Variants in NR2C1 observed in about 807,000 individuals in gnomAD.
The protein encoded by NR2C1 is TR2 nuclear hormone receptor.
NR2C1 carries 33 observed loss-of-function variants against 74.8 expected under a neutral mutation model. The ratio of observed to expected loss-of-function variants is 0.44; its 90% CI spans 0.33 to 0.59. The LOEUF is 0.59. Among genes scored for constraint, NR2C1 ranks in the 20% least tolerant of loss-of-function variants. The probability of loss-of-function intolerance (pLI) is 0.02; values close to 1 mark genes in which losing one functional copy is unlikely to be tolerated. For synonymous variants in NR2C1, 225 were observed against 240.6 expected (o/e 0.94, Z 0.60); for missense variants, 568 against 715.6 (o/e 0.79, Z 2.35).
At chr12:95,036,266 TGA>T (rs1297721684) in intron 10 of NR2C1, among the ~76,000 whole-genome samples, 3 of 114,084 alleles carry the variant, frequency 2.6e-5, no homozygotes, top group African/African-American at 1.1e-4. Context: ...ACACGAATGT[TGA>T]GATTAAAAAA....
intron 8 of NR2C1, 69 bp from the exon 9 acceptor site, chr12:95,049,302 T>C: frequency 6.8e-7 from 1 of 1,480,868 alleles, no homozygotes; most frequent in Non-Finnish European, 9.2e-7. Flanking sequence ...CTACATAGGA[T>C]TCTGGAATTA....
chr12:95,040,106 G>A (rs954729209), intron 10 of NR2C1, among the ~76,000 whole-genome samples: 1 of 151,580 alleles, frequency 6.6e-6, no homozygotes. Flanking sequence ...TAACATGCCT[G>A]GGATGAACAC....
intron 2 of NR2C1, among the ~76,000 whole-genome samples, chr12:95,063,221 C>T (rs1296413843): frequency 6.6e-6 from 1 of 152,162 alleles, no homozygotes; most frequent in Non-Finnish European, 1.5e-5. Flanking sequence ...AAGGAGGTGT[C>T]ATTTTTGCAA....
intron 7 of NR2C1, 103 bp downstream of exon 7, chr12:95,057,450 T>A: frequency 1.3e-6 from 1 of 780,808 alleles, no homozygotes; most frequent in Non-Finnish European, 2.0e-6. Flanking sequence ...ACTTGTAATA[T>A]GGAATATTTA....
intron 13 of NR2C1, among the ~76,000 whole-genome samples, chr12:95,022,866 GTTTGT>G (rs919985848): frequency 6.3e-5 from 9 of 143,260 alleles, no homozygotes; most frequent in Non-Finnish European, 1.1e-4. Context: ...GGCTAATTGT[GTTTGT>G]TTTTTTTTTT....
chr12:95,053,691 T>G (rs1201313550), intron 7 of NR2C1, among the ~76,000 whole-genome samples: 2 of 132,680 alleles, frequency 1.5e-5, no homozygotes, highest in Non-Finnish European at 3.5e-5. Context: ...GTTTTTTTTT[T>G]TTTTTTTTTT....
chr12:95,031,528 T>G (rs993204396), intron 10 of NR2C1, 40 bp from the exon 11 acceptor site: 6 of 1,493,356 alleles, frequency 4.0e-6, no homozygotes, highest in Non-Finnish European at 5.4e-6. Context: ...CAGATATTAT[T>G]AAAATAAGTT....
intron 11 of NR2C1, 45 bp downstream of exon 11, chr12:95,031,304 T>C (rs1870078829): frequency 2.0e-6 from 3 of 1,466,864 alleles, no homozygotes; most frequent in Non-Finnish European, 2.7e-6. Context: ...ATGAAACTCA[T>C]GCCTCCTCCT....
At chr12:95,066,624 A>G (rs1013769339) in intron 2 of NR2C1, among the ~76,000 whole-genome samples, 1 of 152,168 alleles carries the variant, frequency 6.6e-6, no homozygotes, top group Non-Finnish European at 1.5e-5. Flanking sequence ...CTGTTGGTCT[A>G]TCCTGCAATT....
intron 10 of NR2C1, among the ~76,000 whole-genome samples, chr12:95,033,395 G>A (rs1293914078): frequency 6.6e-6 from 1 of 152,082 alleles, no homozygotes; most frequent in Non-Finnish European, 1.5e-5. Flanking sequence ...CTGAGGTGGT[G>A]ACATTTGACT....
Position 95,053,884 on chromosome 12 carries a change from T to C in NR2C1, c.784-1941A>G, listed in dbSNP as rs148794921. Among the ~76,000 whole-genome samples, 1,394 of 152,112 alleles carry C rather than the reference T, an allele frequency of 9.2e-3. 11 individuals are homozygous for C. The highest frequency in any genetic ancestry group is 0.014 in the Non-Finnish European group (979 of 67,980). ...ATTTTTGGTAGAGACAGGGTTTCAC[T>C]GTGTTAGCCAGGACAGTCTCGATCT... is the stretch of plus-strand genomic sequence containing the variant. On this transcript the variant is annotated intron_variant, in intron 7 of 13. Coordinates refer to ENST00000333003, the MANE Select transcript of NR2C1 (RefSeq NM_003297.4).
At chr12:95,056,319 TGTTTTCAGATATGA>T (rs1461089181) in intron 7 of NR2C1, among the ~76,000 whole-genome samples, 48 of 152,188 alleles carry the variant, frequency 3.2e-4, no homozygotes, top group African/African-American at 1.1e-3. Flanking sequence ...TCCTAAAATC[TGTTTTCAGATATGA>T]GTTTTCAGGA....
At position 95,059,914 on chromosome 12, in the gene NR2C1, T is replaced by C. The variant is rs1874502238; in HGVS notation, c.356A>G (p.Lys119Arg). 1.9e-6 allele frequency: 3 copies of C among 1,588,566 alleles called. No homozygotes were observed. Among genetic ancestry groups the C allele is most frequent in the Non-Finnish European group, 2.6e-6 (3 of 1,172,580 alleles). ...VFDLCVVCGD[K>R]ASGRHYGAVT... Reference sequence around the variant, plus strand: ...GTTATTCTTAATGTTACCTGATGCTTTGTCTCCACATACTACGCAAAGATC... The same window carrying C: ...GTTATTCTTAATGTTACCTGATGCTCTGTCTCCACATACTACGCAAAGATC... The change falls in exon 4 of 14, where the codon AAA (lysine) becomes AGA (arginine). Residue 119 changes from lysine to arginine, a missense_variant. Coordinates refer to ENST00000333003, the MANE Select transcript of NR2C1 (RefSeq NM_003297.4).
At chr12:95,069,410 C>T (rs896203200) in intron 1 of NR2C1, among the ~76,000 whole-genome samples, 23 of 152,204 alleles carry the variant, frequency 1.5e-4, no homozygotes, top group Non-Finnish European at 2.9e-4. Context: ...TTTACTACAC[C>T]TCTTCCACGT....
chr12:95,045,607 C>G (rs58350996), intron 9 of NR2C1, among the ~76,000 whole-genome samples: 3,161 of 152,136 alleles, frequency 0.021, 101 homozygotes, highest in African/African-American at 0.072. Flanking sequence ...GTAACTGCCT[C>G]TAAAGTTGCA....
intron 7 of NR2C1, among the ~76,000 whole-genome samples, chr12:95,057,038 C>T (rs368828572): frequency 2.0e-4 from 30 of 148,806 alleles, no homozygotes; most frequent in East Asian, 1.4e-3. Context: ...GGGAAGAGTA[C>T]GTGTTTGTTG....
chr12:95,030,942 C>A, intron 11 of NR2C1: 1 of 1,182,518 alleles, frequency 8.5e-7, no homozygotes, highest in Non-Finnish European at 1.2e-6. Context: ...TGAGAGAATA[C>A]ACTCTGATGA....
At chr12:95,050,808 A>G (rs1428327291) in intron 8 of NR2C1, among the ~76,000 whole-genome samples, 1 of 152,100 alleles carries the variant, frequency 6.6e-6, no homozygotes, top group Non-Finnish European at 1.5e-5. Flanking sequence ...CTAAGCATTA[A>G]TATTTACAGA....
intron 1 of NR2C1, among the ~76,000 whole-genome samples, chr12:95,068,044 AT>A (rs1260105367): frequency 6.6e-6 from 1 of 151,694 alleles, no homozygotes; most frequent in African/African-American, 2.4e-5. Context: ...ACGCCAGCTA[AT>A]TTTTTTGTAT....
Sources: allele counts gnomAD v4.1 joint callset (sites outside exome capture counted in the v4.1 genomes callset), GRCh38; gene constraint gnomAD v4.1.1; transcripts MANE v1.5; gene names NCBI Gene and HGNC (gene_info 2026-07-23, HGNC 2026-07-21).